Variants in RAB3GAP2 observed in about 807,000 individuals in gnomAD.
RAB3GAP2 encodes the protein rab3 GTPase-activating protein non-catalytic subunit.
RAB3GAP2 carries 87 observed loss-of-function variants against 185.3 expected under a neutral mutation model. That is an observed-to-expected ratio of 0.47 (90% CI 0.39 to 0.56). The LOEUF (loss-of-function observed/expected upper bound fraction) is 0.56. Ranked by LOEUF, RAB3GAP2 falls within the 20% of genes least tolerant of loss-of-function variation. The pLI, the probability that RAB3GAP2 is intolerant of heterozygous loss-of-function variation, is 0.00. For missense variants in RAB3GAP2, 1,492 were observed against 1,638.2 expected (o/e 0.91, Z 1.54); for synonymous variants, 554 against 576.1 (o/e 0.96, Z 0.55).
At chr1:220,183,089 G>A (rs979629819) in intron 19 of RAB3GAP2, among the ~76,000 whole-genome samples, 158 bp from the exon 20 acceptor site, 1 of 152,088 alleles carries the variant, frequency 6.6e-6, no homozygotes, top group Admixed American at 6.5e-5. Flanking sequence ...CGTTTCATGA[G>A]TAGGAAGTTA....
rs1363944034 is a variant in RAB3GAP2 at position 220,153,278 on chromosome 1, A to G, written c.3774T>C (p.Asp1258=). The change falls in exon 33 of 35, where the codon GAT becomes GAC. Residue 1258 remains aspartate (D), a synonymous_variant. Transcript: ENST00000358951. ...KDQDWPALAV[D]LAHHLQVSED... ...CACTAACTTGAAGGTGATGGGCTAA[A>G]TCCACAGCTAGAGCTGGCCAATCTT... is the stretch of plus-strand genomic sequence containing the variant. 1 of 1,614,176 alleles carries G rather than the reference A, an allele frequency of 6.2e-7. No homozygotes were observed. Among genetic ancestry groups the G allele is most frequent in the East Asian group, 2.2e-5 (1 of 44,880 alleles).
At chr1:220,257,845 GAAGAA>G (rs1411067215) in intron 1 of RAB3GAP2, among the ~76,000 whole-genome samples, 2 of 151,910 alleles carry the variant, frequency 1.3e-5, no homozygotes, top group Non-Finnish European at 2.9e-5. Flanking sequence ...GACTAATAAA[GAAGAA>G]AAGAAAGAAG....
At chr1:220,171,804 A>T in intron 23 of RAB3GAP2, 85 bp downstream of exon 23, 1 of 1,538,252 alleles carries the variant, frequency 6.5e-7, no homozygotes, top group Non-Finnish European at 9.0e-7. Flanking sequence ...GCTCCAAAAA[A>T]CCCCCCGAAA....
chr1:220,182,106 G>T, intron 21 of RAB3GAP2, 151 bp downstream of exon 21: 2 of 1,217,970 alleles, frequency 1.6e-6, no homozygotes, highest in Non-Finnish European at 2.3e-6. Flanking sequence ...ATTAAATATG[G>T]TGATTAAAAT....
Position 220,175,352 on chromosome 1 carries a change from T to G in RAB3GAP2, c.2311-2610A>C, listed in dbSNP as rs534812177. On this transcript the variant is annotated intron_variant, in intron 21 of 34. Coordinates refer to ENST00000358951, the MANE Select transcript of RAB3GAP2 (RefSeq NM_012414.4). ...AAGTGCCTCAGCCTCTCAAGTAGCT[T>G]GGACTACAGGCGCGAGCCACCATGC... 2.2e-4 allele frequency among the ~76,000 whole-genome samples: 34 copies of G among 152,070 alleles called. No individual in the cohort carries two copies. In the East Asian group the frequency reaches 6.2e-3, roughly 28 times the overall value.
At chr1:220,152,735 T>C (rs1571871694) in intron 33 of RAB3GAP2, among the ~76,000 whole-genome samples, 1 of 152,178 alleles carries the variant, frequency 6.6e-6, no homozygotes. Flanking sequence ...ATTTTTTTCC[T>C]TTTTAGAGAC....
At chr1:220,239,723 C>G (rs1659656324) in intron 1 of RAB3GAP2, among the ~76,000 whole-genome samples, 1 of 152,072 alleles carries the variant, frequency 6.6e-6, no homozygotes, top group Non-Finnish European at 1.5e-5. Context: ...ACCTGAAGAT[C>G]TTCTAAAAAC....
At chr1:220,188,740 G>T (rs1658552384) in intron 17 of RAB3GAP2, among the ~76,000 whole-genome samples, 1 of 152,136 alleles carries the variant, frequency 6.6e-6, no homozygotes, top group African/African-American at 2.4e-5. Flanking sequence ...TATGTACATG[G>T]ATAAGCATAG....
In RAB3GAP2 at chr1:220,171,052, G is replaced by C; in HGVS notation, c.2646C>G (p.Asp882Glu). ...LTDSWEALSL[D>E]TEYWKLLLKQ... ...TCAGAAGGAGTTTCCAGTACTCAGT[G>C]TCAAGAGAAAGTGCCTCCCAGGAAT... The change falls in exon 24 of 35, where the codon GAC (aspartate) becomes GAG (glutamate). Residue 882 changes from aspartate (D) to glutamate (E), a missense_variant. Physicochemically the swap from Asp to Glu is conservative, Grantham distance 45. Coordinates refer to ENST00000358951, the MANE Select transcript of RAB3GAP2 (RefSeq NM_012414.4). The C allele has an allele frequency of 6.2e-7, 1 of 1,614,166 alleles. No homozygotes were observed. The highest frequency in any genetic ancestry group is 8.5e-7 in the Non-Finnish European group (1 of 1,180,014).
In RAB3GAP2 at chr1:220,190,372, C is replaced by T; in HGVS notation, c.1631+5G>A. 6.2e-7 allele frequency: 1 copy of T among 1,614,064 alleles called. No individual in the cohort carries two copies. The highest frequency in any genetic ancestry group is 8.5e-7 in the Non-Finnish European group (1 of 1,179,974). On this transcript the variant is annotated splice_donor_5th_base_variant and intron_variant, in intron 15 of 34. Transcript: ENST00000358951. Reference sequence around the variant, plus strand: ...CGTCAATCAGCAACACTGGACACACCTTACCTCAGTGCTAAATGGAAGGGA... The same window carrying T: ...CGTCAATCAGCAACACTGGACACACTTTACCTCAGTGCTAAATGGAAGGGA...
intron 13 of RAB3GAP2, among the ~76,000 whole-genome samples, chr1:220,192,493 T>C (rs1658642241): frequency 6.6e-6 from 1 of 152,226 alleles, no homozygotes; most frequent in Admixed American, 6.5e-5. Flanking sequence ...GAGATATTAT[T>C]CACAATGTGC....
chr1:220,192,638 G>A (rs185782960), intron 13 of RAB3GAP2, among the ~76,000 whole-genome samples: 2 of 152,342 alleles, frequency 1.3e-5, no homozygotes, highest in African/African-American at 4.8e-5. Context: ...GCCAGGAGAA[G>A]CCTTCTTCCT....
At chr1:220,252,212 T>C (rs1320936422) in intron 1 of RAB3GAP2, among the ~76,000 whole-genome samples, 1 of 148,668 alleles carries the variant, frequency 6.7e-6, no homozygotes, top group Non-Finnish European at 1.5e-5. Context: ...TATATATACC[T>C]GAAAACTATA....
chr1:220,206,952 A>T (rs1477971628), intron 7 of RAB3GAP2, among the ~76,000 whole-genome samples: 1 of 152,184 alleles, frequency 6.6e-6, no homozygotes, highest in African/African-American at 2.4e-5. Context: ...CAGAGATTGG[A>T]ATCACCTTGA....
intron 6 of RAB3GAP2, 70 bp downstream of exon 6, chr1:220,210,731 G>T: frequency 1.4e-6 from 2 of 1,430,770 alleles, no homozygotes; most frequent in Non-Finnish European, 1.9e-6. Flanking sequence ...GTCACAAACA[G>T]TATAAAGGTG....
intron 1 of RAB3GAP2, among the ~76,000 whole-genome samples, chr1:220,237,969 C>T (rs1659624797): frequency 6.6e-6 from 1 of 151,252 alleles, no homozygotes; most frequent in African/African-American, 2.4e-5. Flanking sequence ...AATGCATAAT[C>T]AATGCAAAAT....
chr1:220,227,813 G>A (rs1218500490), intron 2 of RAB3GAP2, among the ~76,000 whole-genome samples: 2 of 152,208 alleles, frequency 1.3e-5, no homozygotes, highest in African/African-American at 2.4e-5. Flanking sequence ...GTGCAGTGGT[G>A]TAATCTCGGC....
At chr1:220,269,833 A>C (rs1255196492) in intron 1 of RAB3GAP2, among the ~76,000 whole-genome samples, 1 of 152,216 alleles carries the variant, frequency 6.6e-6, no homozygotes, top group East Asian at 1.9e-4. Flanking sequence ...TGCTAGAAGA[A>C]GACACATATC....
chr1:220,154,937 C>T (rs1032847659), intron 31 of RAB3GAP2, among the ~76,000 whole-genome samples: 2 of 152,052 alleles, frequency 1.3e-5, no homozygotes, highest in African/African-American at 2.4e-5. Context: ...ATTGGCCAGG[C>T]AGGTCTCAAA....
Sources: allele counts gnomAD v4.1 joint callset (sites outside exome capture counted in the v4.1 genomes callset), GRCh38; gene constraint gnomAD v4.1.1; transcripts MANE v1.5; gene names NCBI Gene and HGNC (gene_info 2026-07-23, HGNC 2026-07-21).